The following XPO4 variants were observed in gnomAD, a reference collection of about 807,000 sequenced individuals.
XPO4 encodes the protein exportin-4.
In XPO4, 39 loss-of-function variants were observed where a neutral mutation model predicts 143.0. That is an observed-to-expected ratio of 0.27 (90% CI 0.21 to 0.36). XPO4 has a LOEUF of 0.36. Among genes scored for constraint, XPO4 ranks in the 10% least tolerant of loss-of-function variants. The probability of loss-of-function intolerance (pLI) is 1.00; values close to 1 mark genes in which losing one functional copy is unlikely to be tolerated. For synonymous variants in XPO4, 439 were observed against 474.0 expected (o/e 0.93, Z 0.96); for missense variants, 907 against 1,348.0 (o/e 0.67, Z 5.12).
chr13:20,865,976 C>T (rs1242867462), intron 2 of XPO4: 1 of 948,848 alleles, frequency 1.1e-6, no homozygotes, highest in African/African-American at 1.8e-5. Flanking sequence ...TGTTTTGGCA[C>T]TTGTGAGATC....
chr13:20,839,404 G>T (rs1305074091), intron 6 of XPO4, among the ~76,000 whole-genome samples: 1 of 152,216 alleles, frequency 6.6e-6, no homozygotes, highest in Non-Finnish European at 1.5e-5. Context: ...AATTGACACA[G>T]GGCTTGTGTT....
At chr13:20,869,196 C>A (rs893345352) in intron 1 of XPO4, among the ~76,000 whole-genome samples, 2 of 151,962 alleles carry the variant, frequency 1.3e-5, no homozygotes, top group Non-Finnish European at 1.5e-5. Context: ...CACTATCAAA[C>A]CAGAAAAATT....
chr13:20,832,018 C>A (rs2059859319), intron 6 of XPO4, among the ~76,000 whole-genome samples: 1 of 152,102 alleles, frequency 6.6e-6, no homozygotes, highest in Middle Eastern at 3.4e-3. Context: ...CCATTCCCTG[C>A]CCCCTCTCCC....
At chr13:20,828,249 A>C (rs2477164) in intron 6 of XPO4, among the ~76,000 whole-genome samples, 35,707 of 151,732 alleles carry the variant, frequency 0.24, 5,823 homozygotes, top group East Asian at 0.8. Context: ...CAAAACAAAC[A>C]AACAAACAAA....
At chr13:20,818,815 C>T (rs1217420572) in intron 9 of XPO4, among the ~76,000 whole-genome samples, 1 of 151,766 alleles carries the variant, frequency 6.6e-6, no homozygotes, top group Non-Finnish European at 1.5e-5. Flanking sequence ...CGTCCCCCTC[C>T]CCCTCCCCTT....
At chr13:20,812,380 C>T (rs575675436) in intron 9 of XPO4, among the ~76,000 whole-genome samples, 2 of 152,094 alleles carry the variant, frequency 1.3e-5, no homozygotes, top group South Asian at 4.2e-4. Flanking sequence ...ATAAATGTTG[C>T]AGAAAAACCT....
In XPO4 at chr13:20,877,517, G is replaced by A. The variant is rs150802068; in HGVS notation, c.70-8816C>T. On this transcript the variant is annotated intron_variant, in intron 1 of 22. Coordinates refer to ENST00000255305, the MANE Select transcript of XPO4 (RefSeq NM_022459.5). ...AGTTCTACTAATCATCTGGGACCAT[G>A]AGAAGACTTAAAAGATTGAAGATAT... Among the ~76,000 whole-genome samples, 12 of 152,304 alleles carry A rather than the reference G, an allele frequency of 7.9e-5. No homozygotes were observed. The East Asian group carries it at 2.3e-3, about 29-fold the overall frequency.
intron 6 of XPO4, among the ~76,000 whole-genome samples, chr13:20,842,170 A>G (rs1002137249): frequency 6.6e-6 from 1 of 152,188 alleles, no homozygotes; most frequent in African/African-American, 2.4e-5. Context: ...GCCTAAGATG[A>G]GCAGAGCCTT....
At chr13:20,797,527 G>A (rs2059374688) in intron 16 of XPO4, among the ~76,000 whole-genome samples, 3 of 152,074 alleles carry the variant, frequency 2.0e-5, no homozygotes, top group Non-Finnish European at 4.4e-5. Flanking sequence ...GTATATAAGA[G>A]TACTCATATT....
chr13:20,786,407 G>A (rs1411336826), intron 22 of XPO4, among the ~76,000 whole-genome samples: 2 of 151,426 alleles, frequency 1.3e-5, no homozygotes, highest in Non-Finnish European at 2.9e-5. Context: ...TGTTCAATAC[G>A]GTCCTTTTCA....
At chr13:20,874,760 G>A (rs545678924) in intron 1 of XPO4, among the ~76,000 whole-genome samples, 8 of 152,278 alleles carry the variant, frequency 5.3e-5, no homozygotes, top group African/African-American at 1.7e-4. Flanking sequence ...TTGGGAGGCC[G>A]AGGCGGGTGA....
intron 1 of XPO4, among the ~76,000 whole-genome samples, chr13:20,889,586 G>A (rs2060492488): frequency 2.0e-5 from 3 of 152,184 alleles, no homozygotes; most frequent in Admixed American, 2.0e-4. Flanking sequence ...GCTAATAATG[G>A]CAAGTTTGAG....
intron 4 of XPO4, chr13:20,850,429 G>T: frequency 4.5e-6 from 1 of 224,238 alleles, no homozygotes; most frequent in Non-Finnish European, 7.5e-6. Context: ...ATACTACACT[G>T]CCCCTAAACC....
chr13:20,868,866 A>T (rs565200462), intron 1 of XPO4, among the ~76,000 whole-genome samples, 165 bp from the exon 2 acceptor site: 1 of 152,310 alleles, frequency 6.6e-6, no homozygotes, highest in African/African-American at 2.4e-5. Context: ...CTTGATAATA[A>T]ATGTTTAAAA....
At chr13:20,818,767 CAT>C (rs1358082622) in intron 9 of XPO4, among the ~76,000 whole-genome samples, 16 of 152,230 alleles carry the variant, frequency 1.1e-4, no homozygotes, top group African/African-American at 2.9e-4. Flanking sequence ...AATTATTCTA[CAT>C]GTTATTGCTT....
intron 19 of XPO4, among the ~76,000 whole-genome samples, chr13:20,789,395 CTTTT>C (rs35527944): frequency 7.4e-6 from 1 of 134,798 alleles, no homozygotes; most frequent in African/African-American, 2.8e-5. Flanking sequence ...TCAGCCTCTA[CTTTT>C]TTTTTTTTTT....
At chr13:20,848,232 C>T in intron 4 of XPO4, 1 of 977,708 alleles carries the variant, frequency 1.0e-6, no homozygotes, top group Non-Finnish European at 1.2e-6. Context: ...AAAATTACAT[C>T]TAAAATAAAT....
In XPO4 at chr13:20,902,679, T is replaced by C; in HGVS notation, c.60A>G (p.Lys20=). 6.3e-7 allele frequency: 1 copy of C among 1,578,968 alleles called. No individual in the cohort carries two copies. Among genetic ancestry groups the C allele is most frequent in the Non-Finnish European group, 8.6e-7 (1 of 1,163,066 alleles). ...GGCGCGGCGTCCTCACCATCAGAAC[T>C]TTAGCCGCGTTCTCCAGCTGAGCGA... ...EVIAQLENAA[K]VLMAPPSMVN... The change falls in exon 1 of 23, where the codon AAA becomes AAG. Residue 20 remains lysine (K), a synonymous_variant. Transcript: ENST00000255305.
chr13:20,842,713 A>G (rs1032091110), intron 6 of XPO4, among the ~76,000 whole-genome samples, 182 bp downstream of exon 6: 7 of 152,338 alleles, frequency 4.6e-5, no homozygotes, highest in African/African-American at 1.7e-4. Flanking sequence ...TAAATCTTCT[A>G]GTATTATCCT....
Sources: allele counts gnomAD v4.1 joint callset (sites outside exome capture counted in the v4.1 genomes callset), GRCh38; gene constraint gnomAD v4.1.1; transcripts MANE v1.5; gene names NCBI Gene and HGNC (gene_info 2026-07-23, HGNC 2026-07-21).